DOCK4: variants seen among roughly 807,000 people sequenced by gnomAD.
DOCK4 encodes the protein dedicator of cytokinesis protein 4.
Under a neutral mutation model 268.1 loss-of-function variants are expected in DOCK4, and 97 were observed. The observed-to-expected ratio is 0.36, with a 90% CI of 0.31 to 0.43. DOCK4 has a LOEUF of 0.43. Ranked by LOEUF, DOCK4 falls within the 20% of genes least tolerant of loss-of-function variation. DOCK4 has a pLI of 1.00. For synonymous variants in DOCK4, 954 were observed against 887.2 expected (o/e 1.08, Z -1.34); for missense variants, 2,145 against 2,455.7 (o/e 0.87, Z 2.67).
At chr7:111,942,666 T>C (rs1795302835) in intron 10 of DOCK4, among the ~76,000 whole-genome samples, 1 of 152,104 alleles carries the variant, frequency 6.6e-6, no homozygotes, top group African/African-American at 2.4e-5. Context: ...TTACCTTTAG[T>C]TACCTGTTTC....
intron 1 of DOCK4, among the ~76,000 whole-genome samples, chr7:112,035,205 A>G (rs1188699605): frequency 1.3e-5 from 2 of 152,230 alleles, no homozygotes; most frequent in South Asian, 2.1e-4. Context: ...TAAAGTAGAA[A>G]TAAGATCAAG....
intron 30 of DOCK4, among the ~76,000 whole-genome samples, chr7:111,793,321 A>G (rs1055738365): frequency 6.6e-6 from 1 of 152,256 alleles, no homozygotes; most frequent in Admixed American, 6.5e-5. Context: ...AGGTCATGGT[A>G]TCTTCTGTCT....
chr7:111,769,441 G>T, intron 37 of DOCK4, 88 bp downstream of exon 37: 1 of 1,499,478 alleles, frequency 6.7e-7, no homozygotes, highest in Non-Finnish European at 9.2e-7. Context: ...GCTTAAGGAG[G>T]TGGGCATTCA....
intron 1 of DOCK4, among the ~76,000 whole-genome samples, chr7:112,103,130 A>C (rs1810837762): frequency 6.6e-6 from 1 of 152,216 alleles, no homozygotes; most frequent in Non-Finnish European, 1.5e-5. Context: ...AAATAAACTC[A>C]AGTCACATGA....
intron 1 of DOCK4, among the ~76,000 whole-genome samples, chr7:112,193,200 C>T (rs1048549770): frequency 6.6e-6 from 1 of 151,958 alleles, no homozygotes; most frequent in Admixed American, 6.6e-5. Context: ...TTGAAGGCAC[C>T]CAAAGTGATG....
At chr7:111,953,392 C>T (rs1796210190) in intron 8 of DOCK4, among the ~76,000 whole-genome samples, 1 of 151,996 alleles carries the variant, frequency 6.6e-6, no homozygotes, top group African/African-American at 2.4e-5. Flanking sequence ...AGAGCCTCTC[C>T]CTAAAAGGCA....
At chr7:111,877,262 C>CT (rs1264781372) in intron 16 of DOCK4, 76 bp from the exon 17 acceptor site, 1 of 1,168,654 alleles carries the variant, frequency 8.6e-7, no homozygotes, top group Admixed American at 4.1e-5. Flanking sequence ...ATTTATATTA[C>CT]TAGTGTTTAT....
At chr7:111,765,923 T>TC (rs1365682631) in intron 38 of DOCK4, among the ~76,000 whole-genome samples, 1 of 151,892 alleles carries the variant, frequency 6.6e-6, no homozygotes, top group Non-Finnish European at 1.5e-5. Context: ...TCCCCCTCTA[T>TC]CCCCCCTCTA....
chr7:112,105,500 A>T (rs1811058269), intron 1 of DOCK4, among the ~76,000 whole-genome samples: 1 of 151,868 alleles, frequency 6.6e-6, no homozygotes, highest in Non-Finnish European at 1.5e-5. Context: ...TATATGAGTT[A>T]ACTTGGATAA....
rs1794773430 is a variant in DOCK4 at position 111,728,173 on chromosome 7, G to A, written c.*101C>T. 9.4e-6 allele frequency: 8 copies of A among 852,348 alleles called. No individual in the cohort carries two copies. The highest frequency in any genetic ancestry group is 1.3e-5 in the Non-Finnish European group (8 of 621,700). The allele number at this position is 852,348 out of a possible 1,614,324, so 52.8% of individuals were successfully genotyped here. The stretch of plus-strand genomic sequence containing the variant: ...AGTTTTAATTCCATTCATCGAAGGA[G>A]CTGAGTAAGTTATTAAAGTGCCTAC... On this transcript the variant is annotated 3_prime_UTR_variant, in exon 53 of 53. Coordinates refer to ENST00000428084, the MANE Select transcript of DOCK4 (RefSeq NM_001363540.2).
chr7:112,066,628 A>ATATG (rs2135634062), intron 1 of DOCK4, among the ~76,000 whole-genome samples: 2 of 135,326 alleles, frequency 1.5e-5, no homozygotes, highest in African/African-American at 6.2e-5. Context: ...ATATACGTGT[A>ATATG]TATATACACA....
At chr7:111,946,784 G>T (rs377735236) in intron 8 of DOCK4, among the ~76,000 whole-genome samples, 2 of 152,080 alleles carry the variant, frequency 1.3e-5, no homozygotes, top group South Asian at 2.1e-4. Context: ...ATTTCACCAT[G>T]TTGGCCAGGC....
At chr7:111,881,142 C>T (rs1408982009) in intron 16 of DOCK4, among the ~76,000 whole-genome samples, 4 of 152,104 alleles carry the variant, frequency 2.6e-5, no homozygotes, top group Admixed American at 1.3e-4. Flanking sequence ...AGACAACCCA[C>T]ATAATGGGAG....
At chr7:112,139,477 G>A (rs1014915460) in intron 1 of DOCK4, among the ~76,000 whole-genome samples, 20 of 152,134 alleles carry the variant, frequency 1.3e-4, no homozygotes, top group Non-Finnish European at 2.6e-4. Context: ...AAAGGACAAC[G>A]TGTGACTAAG....
intron 17 of DOCK4, among the ~76,000 whole-genome samples, chr7:111,876,030 T>G (rs922166493): frequency 1.3e-5 from 2 of 152,336 alleles, no homozygotes; most frequent in Middle Eastern, 3.4e-3. Context: ...GTTGATTTTA[T>G]TATCTTCATA....
chr7:111,832,715 A>G (rs1322819453), intron 26 of DOCK4, among the ~76,000 whole-genome samples: 2 of 152,146 alleles, frequency 1.3e-5, no homozygotes, highest in South Asian at 4.2e-4. Context: ...TTTAGTAGAG[A>G]TGGGATTTTG....
intron 15 of DOCK4, among the ~76,000 whole-genome samples, chr7:111,896,811 T>C (rs548311640): frequency 6.6e-6 from 1 of 152,250 alleles, no homozygotes; most frequent in African/African-American, 2.4e-5. Context: ...GGTAATTTTG[T>C]CTGGCTGGTG....
At chr7:112,048,606 A>G (rs1432091054) in intron 1 of DOCK4, among the ~76,000 whole-genome samples, 1 of 151,624 alleles carries the variant, frequency 6.6e-6, no homozygotes, top group African/African-American at 2.4e-5. Context: ...AAAGAGAAAA[A>G]TGCACATTAA....
chr7:111,811,600 G>A (rs1563537548), intron 28 of DOCK4, among the ~76,000 whole-genome samples: 1 of 152,050 alleles, frequency 6.6e-6, no homozygotes, highest in Non-Finnish European at 1.5e-5. Context: ...AAAACACTAT[G>A]TTTTGAGTCT....
Sources: allele counts gnomAD v4.1 joint callset (sites outside exome capture counted in the v4.1 genomes callset), GRCh38; gene constraint gnomAD v4.1.1; transcripts MANE v1.5; gene names NCBI Gene and HGNC (gene_info 2026-07-23, HGNC 2026-07-21).